Variants in MORC1 observed in about 807,000 individuals in gnomAD.
MORC1 encodes the protein MORC family CW-type zinc finger 1, also known as MORC family CW-type zinc finger protein 1.
MORC1 carries 59 observed loss-of-function variants against 134.9 expected under a neutral mutation model. The observed-to-expected ratio is 0.44, with a 90% CI of 0.35 to 0.54. The LOEUF (loss-of-function observed/expected upper bound fraction) is 0.54. Ranked by LOEUF, MORC1 falls within the 20% of genes least tolerant of loss-of-function variation. The probability of loss-of-function intolerance (pLI) is 0.00; values close to 1 mark genes in which losing one functional copy is unlikely to be tolerated. For synonymous variants in MORC1, 395 were observed against 391.7 expected, an observed-to-expected ratio of 1.01 and a Z score of -0.10; for missense variants, 947 against 1,134.5, an observed-to-expected ratio of 0.83 and a Z score of 2.37.
At chr3:108,975,677 T>G (rs952351956) in intron 24 of MORC1, among the ~76,000 whole-genome samples, 19 of 152,188 alleles carry the variant, frequency 1.2e-4, no homozygotes, top group African/African-American at 4.6e-4. Context: ...TTTATAGGAT[T>G]GTTGTAAGAT....
In MORC1 at chr3:108,970,105, T is replaced by TG. The variant is rs1461045908; in HGVS notation, c.2551-384dup. Among the ~76,000 whole-genome samples the TG allele has an allele frequency of 2.0e-5, 3 of 151,896 alleles. No individual in the cohort carries two copies. The East Asian group carries it at 5.8e-4, about 30-fold the overall frequency. ...AACAGATGGGGAAGTCACTGGCATG[T>TG]GGGGGGTAGTATTAATATTTTAAAG... On this transcript the variant is annotated intron_variant, in intron 25 of 27. Coordinates refer to ENST00000232603, the MANE Select transcript of MORC1 (RefSeq NM_014429.4).
rs1949509456 is a variant in MORC1 at position 109,040,485 on chromosome 3, A to AAGG, written c.1331-5018_1331-5017insCCT. On this transcript the variant is annotated intron_variant, in intron 14 of 27. Transcript: ENST00000232603. ...GAAAGAAAGAAAGAAAGAAAGAAAG[A>AAGG]AAGGAAAGAAAAGAAAGGAAGGAAG... Among the ~76,000 whole-genome samples, 110 of 114,330 alleles carry AAGG rather than the reference A, an allele frequency of 9.6e-4. 4 individuals are homozygous for AAGG. Among genetic ancestry groups the AAGG allele is most frequent in the Admixed American group, 1.4e-3 (14 of 9,892 alleles). The allele number at this position is 114,330 out of a possible 152,430, so 75.0% of individuals were successfully genotyped here.
chr3:108,969,758 C>T, intron 25 of MORC1, 36 bp from the exon 26 acceptor site: 4 of 1,592,718 alleles, frequency 2.5e-6, no homozygotes, highest in Non-Finnish European at 3.4e-6. Context: ...AGGATATTAG[C>T]TTTTAGAGAA....
At chr3:109,091,000 C>A (rs1559946596) in intron 8 of MORC1, among the ~76,000 whole-genome samples, 1 of 152,160 alleles carries the variant, frequency 6.6e-6, no homozygotes, top group East Asian at 1.9e-4. Flanking sequence ...CCACCTTGGA[C>A]CAGAACTAAT....
At chr3:108,978,608 T>C (rs975356935) in intron 24 of MORC1, among the ~76,000 whole-genome samples, 1 of 152,198 alleles carries the variant, frequency 6.6e-6, no homozygotes, top group Non-Finnish European at 1.5e-5. Flanking sequence ...GACCACAGCC[T>C]GGGCCTTAGT....
chr3:108,978,862 C>A (rs562984368), intron 24 of MORC1, among the ~76,000 whole-genome samples: 1 of 152,174 alleles, frequency 6.6e-6, no homozygotes. Flanking sequence ...CCAACAAAAC[C>A]AATGAGGTAC....
intron 21 of MORC1, among the ~76,000 whole-genome samples, chr3:108,993,166 T>C (rs932303204): frequency 6.6e-6 from 1 of 152,228 alleles, no homozygotes; most frequent in Admixed American, 6.5e-5. Flanking sequence ...CATGGTGTTG[T>C]AAAACTGTCT....
At chr3:109,063,425 A>G (rs554925892) in intron 9 of MORC1, among the ~76,000 whole-genome samples, 194 bp from the exon 10 acceptor site, 1 of 152,232 alleles carries the variant, frequency 6.6e-6, no homozygotes, top group South Asian at 2.1e-4. Flanking sequence ...CTACTTAGAA[A>G]TGTTGTTTTT....
In MORC1 at chr3:109,032,744, T is replaced by G; in HGVS notation, c.1541A>C (p.Asn514Thr). The change falls in exon 16 of 28, where the codon AAT (asparagine) becomes ACT (threonine). Residue 514 changes from asparagine (N) to threonine (T), a missense_variant. Physicochemically the swap from Asn to Thr is moderately conservative, Grantham distance 65. This residue lies in a region of MORC1 where 722 missense variants were observed against 817.0 expected (regional missense o/e 0.88). Coordinates refer to ENST00000232603, the MANE Select transcript of MORC1 (RefSeq NM_014429.4). Reference sequence around the variant, plus strand: ...CCTGTTTTCCAAGCGGTTGGGATTATTAGCACAAATCCAAATGTCAAAAAA... The same window carrying G: ...CCTGTTTTCCAAGCGGTTGGGATTAGTAGCACAAATCCAAATGTCAAAAAA... ...KEFFDIWICA[N>T]NPNRLENSCH... The G allele has an allele frequency of 6.2e-7, 1 of 1,603,914 alleles. No individual in the cohort carries two copies.
chr3:109,032,763 C>CA lies in MORC1; in HGVS notation c.1521dup (p.Asp508Ter). 1.2e-6 allele frequency: 2 copies of CA among 1,608,778 alleles called. No homozygotes were observed. The highest frequency in any genetic ancestry group is 4.5e-5 in the East Asian group (2 of 44,708). On this transcript the variant is annotated frameshift_variant, in exon 16 of 28. Coordinates refer to ENST00000232603, the MANE Select transcript of MORC1 (RefSeq NM_014429.4). LOFTEE classifies it high-confidence loss of function. Reference sequence around the variant, plus strand: ...GGATTATTAGCACAAATCCAAATGTCAAAAAATTCTTTTTCCTGATAATTA... The same window carrying CA: ...GGATTATTAGCACAAATCCAAATGTCAAAAAAATTCTTTTTCCTGATAATTA...
intron 8 of MORC1, among the ~76,000 whole-genome samples, chr3:109,075,096 C>T (rs1054691716): frequency 3.3e-5 from 5 of 152,274 alleles, no homozygotes; most frequent in East Asian, 1.9e-4. Flanking sequence ...TCTATACATA[C>T]GTCACTGTAC....
chr3:109,105,223 A>C (rs901785656), intron 3 of MORC1, among the ~76,000 whole-genome samples: 2 of 152,054 alleles, frequency 1.3e-5, no homozygotes, highest in Non-Finnish European at 2.9e-5. Flanking sequence ...TGGCCACTAA[A>C]AATTAAAAAT....
At chr3:109,022,626 C>T (rs1436595367) in intron 17 of MORC1, among the ~76,000 whole-genome samples, 1 of 152,182 alleles carries the variant, frequency 6.6e-6, no homozygotes, top group African/African-American at 2.4e-5. Context: ...CCAAATACAA[C>T]AGTTTATTGT....
At chr3:108,996,307 C>CACACACACACACACAA (rs1052240440) in intron 21 of MORC1, among the ~76,000 whole-genome samples, 2 of 148,312 alleles carry the variant, frequency 1.3e-5, no homozygotes, top group African/African-American at 4.9e-5. Context: ...CACACACACA[C>CACACACACACACACAA]AACTAGAATT....
intron 8 of MORC1, among the ~76,000 whole-genome samples, chr3:109,070,580 A>C (rs1345604299): frequency 6.6e-6 from 1 of 152,192 alleles, no homozygotes; most frequent in African/African-American, 2.4e-5. Flanking sequence ...TCGGTCACAG[A>C]AAAGGCTACT....
intron 14 of MORC1, among the ~76,000 whole-genome samples, chr3:109,048,179 G>A (rs1309103698): frequency 6.6e-6 from 1 of 152,202 alleles, no homozygotes; most frequent in Non-Finnish European, 1.5e-5. Context: ...GAGAGGAGGG[G>A]AGTGGAAGAG....
chr3:108,982,726 T>TAAAAAAAAAA (rs72358419), intron 23 of MORC1, among the ~76,000 whole-genome samples: 3 of 117,836 alleles, frequency 2.5e-5, no homozygotes, highest in Non-Finnish European at 3.4e-5. Context: ...ACTTAAAGTA[T>TAAAAAAAAAA]AAAAAAAAAA....
chr3:109,094,954 C>T lies in MORC1; in HGVS notation c.538G>A (p.Glu180Lys), dbSNP rs369100512. 64 of 1,588,770 alleles carry T rather than the reference C, an allele frequency of 4.0e-5. No homozygotes were observed. The highest frequency in any genetic ancestry group is 1.7e-4 in the Middle Eastern group (1 of 6,018). Reference sequence around the variant, plus strand: ...TCAAACTGCTGCATCAATTCTGCTTCAGTTTTAAATGGGGAGTATTTATAA... The same window carrying T: ...TCAAACTGCTGCATCAATTCTGCTTTAGTTTTAAATGGGGAGTATTTATAA... ...IIYKYSPFKT[E>K]AELMQQFDVI... The change falls in exon 7 of 28, where the codon GAA (glutamate) becomes AAA (lysine). Residue 180 changes from glutamate (E) to lysine (K), a missense_variant. Physicochemically the swap from Glu to Lys is moderately conservative, Grantham distance 56. Around this residue, in one of 3 missense-constraint regions of MORC1, gnomAD observed 214 missense variants for 281.3 expected, o/e 0.76. Coordinates refer to ENST00000232603, the MANE Select transcript of MORC1 (RefSeq NM_014429.4).
chr3:109,063,524 T>C (rs916476641), intron 9 of MORC1, among the ~76,000 whole-genome samples: 3 of 152,140 alleles, frequency 2.0e-5, no homozygotes, highest in Non-Finnish European at 4.4e-5. Flanking sequence ...CTTTAAAAAA[T>C]TCTATGAAGT....
Sources: gnomAD v4.1 joint callset for allele counts (sites outside exome capture counted in the v4.1 genomes callset) on GRCh38, gnomAD v4.1.1 for gene constraint, gnomAD v4.1.1 regional missense constraint, MANE v1.5 for transcripts, NCBI Gene and HGNC (gene_info 2026-07-23, HGNC 2026-07-21) for gene names.